Variants in MRRF observed in about 807,000 individuals in gnomAD.
MRRF encodes the protein ribosome-recycling factor, mitochondrial.
In MRRF, 18 loss-of-function variants were observed where a neutral mutation model predicts 25.1. The ratio of observed to expected loss-of-function variants is 0.72; its 90% CI spans 0.50 to 1.06. The LOEUF (loss-of-function observed/expected upper bound fraction) is 1.06, where lower values mean the gene tolerates loss of function less well. Ranked by LOEUF, MRRF falls within the 50% of genes least tolerant of loss-of-function variation. The probability of loss-of-function intolerance (pLI) is 0.00; values close to 1 mark genes in which losing one functional copy is unlikely to be tolerated. For synonymous variants in MRRF, 113 were observed against 112.1 expected (o/e 1.01, Z -0.05); for missense variants, 323 against 319.3 (o/e 1.01, Z -0.09).
intron 5 of MRRF, among the ~76,000 whole-genome samples, chr9:122,295,746 C>G (rs1181241061): frequency 2.0e-5 from 3 of 151,924 alleles, no homozygotes. Context: ...GCGCCTGGCC[C>G]CTTAGATCAG....
chr9:122,317,781 T>G (rs1239337652), intron 6 of MRRF, among the ~76,000 whole-genome samples: 1 of 152,236 alleles, frequency 6.6e-6, no homozygotes, highest in Non-Finnish European at 1.5e-5. Context: ...TTCAAAAATC[T>G]TTTGAGGTCA....
intron 5 of MRRF, among the ~76,000 whole-genome samples, chr9:122,294,573 T>C (rs1009156161): frequency 6.6e-6 from 1 of 152,236 alleles, no homozygotes; most frequent in African/African-American, 2.4e-5. Context: ...TACTGAATTA[T>C]AACGTTTGGT....
At chr9:122,270,783 A>T (rs758465518) in intron 1 of MRRF, 81 bp from the exon 2 acceptor site, 129 of 1,039,198 alleles carry the variant, frequency 1.2e-4, no homozygotes, top group Non-Finnish European at 1.8e-4. Flanking sequence ...GTTGCTTGAT[A>T]ATTGGTACGA....
intron 2 of MRRF, among the ~76,000 whole-genome samples, chr9:122,280,145 G>A (rs7855241): frequency 0.018 from 2,798 of 152,222 alleles, 78 homozygotes; most frequent in African/African-American, 0.063. Flanking sequence ...TTTACAGGTA[G>A]GGAACTTGAT....
intron 5 of MRRF, 23 bp from the exon 6 acceptor site, chr9:122,313,204 G>A (rs115742525): frequency 6.2e-7 from 1 of 1,611,838 alleles, no homozygotes; most frequent in East Asian, 2.2e-5. Flanking sequence ...TGATTTTGTT[G>A]AATGTCTTTT....
intron 5 of MRRF, among the ~76,000 whole-genome samples, chr9:122,312,063 G>A (rs998354263): frequency 6.6e-6 from 1 of 152,188 alleles, no homozygotes; most frequent in African/African-American, 2.4e-5. Flanking sequence ...TCATATTACT[G>A]ACTTTGAAGA....
At chr9:122,269,952 T>C (rs1832348189) in intron 1 of MRRF, among the ~76,000 whole-genome samples, 2 of 152,144 alleles carry the variant, frequency 1.3e-5, no homozygotes, top group African/African-American at 2.4e-5. Context: ...TAGTCAGTAA[T>C]GGAGCTAGGA....
intron 6 of MRRF, among the ~76,000 whole-genome samples, chr9:122,317,477 A>C (rs377102348): frequency 6.6e-6 from 1 of 152,202 alleles, no homozygotes; most frequent in African/African-American, 2.4e-5. Context: ...TATATATAAT[A>C]GTAGAAAACT....
chr9:122,319,656 T>C (rs1226738744), intron 6 of MRRF, among the ~76,000 whole-genome samples: 4 of 152,138 alleles, frequency 2.6e-5, no homozygotes, highest in African/African-American at 9.7e-5. Context: ...GTCTTTCATA[T>C]GTTATAGGGA....
Position 122,270,895 on chromosome 9 carries a change from G to A in MRRF, c.4G>A (p.Ala2Thr). The A allele has an allele frequency of 2.5e-6, 4 of 1,613,890 alleles. No homozygotes were observed. Among genetic ancestry groups the A allele is most frequent in the Middle Eastern group, 1.6e-4 (1 of 6,062 alleles). M[A>T]LGLKCFRMVH... ...TTTCCAAGGATTGTCTTCAGTCATG[G>A]CCTTGGGATTAAAGTGCTTCCGCAT... The change falls in exon 2 of 7, where the codon GCC (alanine) becomes ACC (threonine). Residue 2 changes from alanine to threonine, a missense_variant. Coordinates refer to ENST00000344641, the MANE Select transcript of MRRF (RefSeq NM_138777.5).
At chr9:122,268,424 T>C (rs1160409183) in intron 1 of MRRF, among the ~76,000 whole-genome samples, 1 of 152,236 alleles carries the variant, frequency 6.6e-6, no homozygotes, top group East Asian at 1.9e-4. Context: ...ATCTACTCAT[T>C]ATTCTACAGC....
chr9:122,284,831 G>A (rs1361135625), intron 3 of MRRF, among the ~76,000 whole-genome samples: 1 of 152,080 alleles, frequency 6.6e-6, no homozygotes, highest in Non-Finnish European at 1.5e-5. Flanking sequence ...TGTTGCCTAG[G>A]GTGGAGTGCA....
At chr9:122,265,707 G>A (rs1391322328) in intron 1 of MRRF, 42 of 1,265,698 alleles carry the variant, frequency 3.3e-5, no homozygotes, top group Non-Finnish European at 4.3e-5. Context: ...ACAAGTCAGT[G>A]GTAGAGCTGC....
rs183770007 is a variant in MRRF, at chr9:122,302,922, G to A, written c.552-10305G>A. Among the ~76,000 whole-genome samples, 716 of 152,132 alleles carry A rather than the reference G, an allele frequency of 4.7e-3. 1 individual carries two copies. The highest frequency in any genetic ancestry group is 7.3e-3 in the Admixed American group (111 of 15,282). ...AGGCTGTGGAGTGGTATCTTATTAC[G>A]GTTTTGATTTGCATTTTCCTGATGA... is the stretch of plus-strand genomic sequence containing the variant. On this transcript the variant is annotated intron_variant, in intron 5 of 6. Transcript: ENST00000344641.
Position 122,328,865 on chromosome 9 carries a change from T to A in MRRF, c.*6248T>A, listed in dbSNP as rs574710683. The A allele has an allele frequency of 2.6e-5, 4 of 152,106 alleles. No individual in the cohort carries two copies. Among genetic ancestry groups the A allele is most frequent in the African/African-American group, 7.2e-5 (3 of 41,466 alleles). 9.4% of individuals were successfully genotyped at this position (152,106 alleles called of 1,614,324 possible). ...TCTCTCTCTCTCTCTCTTTTTTTTT[T>A]AATAAGAGATGAGGGGTCTCCCTAT... is the stretch of plus-strand genomic sequence containing the variant. On this transcript the variant is annotated 3_prime_UTR_variant, in exon 7 of 7. Coordinates refer to ENST00000344641, the MANE Select transcript of MRRF (RefSeq NM_138777.5).
At chr9:122,319,844 A>G (rs1027637325) in intron 6 of MRRF, among the ~76,000 whole-genome samples, 9 of 147,018 alleles carry the variant, frequency 6.1e-5, no homozygotes, top group African/African-American at 2.0e-4. Context: ...TGCTTGTACT[A>G]TGGTAAAATG....
At chr9:122,293,315 T>C (rs1183109625) in intron 5 of MRRF, among the ~76,000 whole-genome samples, 1 of 152,206 alleles carries the variant, frequency 6.6e-6, no homozygotes, top group Non-Finnish European at 1.5e-5. Flanking sequence ...GTCTAATCCC[T>C]GTAAAGTAGG....
In MRRF at chr9:122,329,736, A is replaced by C. The variant is rs978423093; in HGVS notation, c.*7119A>C. On this transcript the variant is annotated 3_prime_UTR_variant, in exon 7 of 7. Transcript: ENST00000344641. Reference sequence around the variant, plus strand: ...GTGCTCACCAGGGAACAGATGTGGCAAATGTTCCAGGCTGGCCTCACCCGG... The same window carrying C: ...GTGCTCACCAGGGAACAGATGTGGCCAATGTTCCAGGCTGGCCTCACCCGG... 7.9e-5 allele frequency: 12 copies of C among 152,266 alleles called. No individual in the cohort carries two copies. The highest frequency in any genetic ancestry group is 7.2e-4 in the Admixed American group (11 of 15,288). 9.4% of individuals were successfully genotyped at this position (152,266 alleles called of 1,614,324 possible). A position where few individuals can be genotyped will look rare whatever the true frequency, so the allele number is the denominator to read the frequency against.
At chr9:122,269,546 G>A (rs1259908340) in intron 1 of MRRF, among the ~76,000 whole-genome samples, 1 of 152,022 alleles carries the variant, frequency 6.6e-6, no homozygotes, top group African/African-American at 2.4e-5. Context: ...GCAACATGGT[G>A]AAACCCTGTC....
Sources: allele counts gnomAD v4.1 joint callset (sites outside exome capture counted in the v4.1 genomes callset), GRCh38; gene constraint gnomAD v4.1.1; transcripts MANE v1.5; gene names NCBI Gene and HGNC (gene_info 2026-07-23, HGNC 2026-07-21).